The following JPH1 variants were observed in gnomAD, a reference collection of about 807,000 sequenced individuals.
JPH1 encodes the protein junctophilin-1.
A neutral mutation model predicts 53.6 loss-of-function variants in JPH1; 12 were observed. The observed-to-expected ratio is 0.22, with a 90% CI of 0.14 to 0.36. The LOEUF (loss-of-function observed/expected upper bound fraction) is 0.36. Ranked by LOEUF, JPH1 falls within the 10% of genes least tolerant of loss-of-function variation. JPH1 has a pLI of 1.00. For synonymous variants in JPH1, 375 were observed against 363.8 expected (o/e 1.03, Z -0.35); for missense variants, 808 against 905.5 (o/e 0.89, Z 1.38).
At chr8:74,300,601 G>A (rs1463298621) in intron 2 of JPH1, among the ~76,000 whole-genome samples, 4 of 152,142 alleles carry the variant, frequency 2.6e-5, no homozygotes, top group Admixed American at 6.5e-5. Flanking sequence ...ATCTTGTTCC[G>A]AAGTATACAG....
At chr8:74,258,902 T>C (rs1301070021) in intron 3 of JPH1, among the ~76,000 whole-genome samples, 1 of 152,214 alleles carries the variant, frequency 6.6e-6, no homozygotes, top group African/African-American at 2.4e-5. Context: ...TATTTGTTAC[T>C]ACAAGTTGAA....
At position 74,290,603 on chromosome 8, in the gene JPH1, C is replaced by T. The variant is rs185965386; in HGVS notation, c.1139+24258G>A. On this transcript the variant is annotated intron_variant, in intron 2 of 5. Coordinates refer to ENST00000342232, the MANE Select transcript of JPH1 (RefSeq NM_020647.4). Reference sequence around the variant, plus strand: ...GCCATCCCCATCAAGCTACCAATGACTTTCTTCACAGAATTGGAAAAAACT... The same window carrying T: ...GCCATCCCCATCAAGCTACCAATGATTTTCTTCACAGAATTGGAAAAAACT... Among the ~76,000 whole-genome samples the T allele has an allele frequency of 3.6e-3, 553 of 152,320 alleles. 4 individuals carry two copies. The highest frequency in any genetic ancestry group is 5.5e-3 in the Non-Finnish European group (375 of 68,030).
chr8:74,266,614 G>C (rs1586745637), intron 2 of JPH1, among the ~76,000 whole-genome samples: 1 of 152,252 alleles, frequency 6.6e-6, no homozygotes, highest in East Asian at 1.9e-4. Context: ...CTGAAGATTG[G>C]TTGCACAGCA....
chr8:74,275,702 T>C (rs13264454), intron 2 of JPH1, among the ~76,000 whole-genome samples: 3 of 152,224 alleles, frequency 2.0e-5, no homozygotes, highest in Non-Finnish European at 4.4e-5. Context: ...AAGCCCACTG[T>C]GGCTACATCA....
chr8:74,298,412 C>T (rs1807581856), intron 2 of JPH1, among the ~76,000 whole-genome samples: 1 of 152,144 alleles, frequency 6.6e-6, no homozygotes, highest in Non-Finnish European at 1.5e-5. Context: ...TTTATGATCT[C>T]ATCCCCAACT....
chr8:74,283,379 T>C (rs1807069070), intron 2 of JPH1, among the ~76,000 whole-genome samples: 2 of 152,078 alleles, frequency 1.3e-5, no homozygotes, highest in South Asian at 2.1e-4. Flanking sequence ...CAATGACATA[T>C]AATAAACATA....
At chr8:74,281,634 C>G (rs1238708953) in intron 2 of JPH1, among the ~76,000 whole-genome samples, 1 of 152,186 alleles carries the variant, frequency 6.6e-6, no homozygotes, top group South Asian at 2.1e-4. Flanking sequence ...AATCCAAACT[C>G]CAAGCCTGGG....
intron 2 of JPH1, among the ~76,000 whole-genome samples, chr8:74,276,323 G>A (rs1201923893): frequency 6.6e-6 from 1 of 152,170 alleles, no homozygotes; most frequent in Admixed American, 6.5e-5. Context: ...TTGATCTGAG[G>A]CTGTGAAGGC....
intron 2 of JPH1, among the ~76,000 whole-genome samples, chr8:74,297,344 A>C (rs1807550369): frequency 6.6e-6 from 1 of 152,208 alleles, no homozygotes; most frequent in Non-Finnish European, 1.5e-5. Flanking sequence ...ATTACAAACC[A>C]GAGAGGGACG....
At chr8:74,250,276 G>A (rs1563395553) in intron 3 of JPH1, among the ~76,000 whole-genome samples, 2 of 152,112 alleles carry the variant, frequency 1.3e-5, no homozygotes. Context: ...GGGATTACAG[G>A]CATGTACTAC....
chr8:74,270,404 G>A (rs1313771767), intron 2 of JPH1, among the ~76,000 whole-genome samples: 2 of 152,024 alleles, frequency 1.3e-5, no homozygotes, highest in Non-Finnish European at 2.9e-5. Flanking sequence ...CCTATTTTTA[G>A]CATTTGCTGT....
At chr8:74,300,576 A>G in intron 2 of JPH1, among the ~76,000 whole-genome samples, 1 of 152,226 alleles carries the variant, frequency 6.6e-6, no homozygotes, top group Admixed American at 6.5e-5. Context: ...TTTTGGTTAG[A>G]GGGTCCTAAC....
intron 2 of JPH1, among the ~76,000 whole-genome samples, chr8:74,259,903 A>G (rs1169527939): frequency 1.3e-5 from 2 of 152,380 alleles, no homozygotes; most frequent in South Asian, 2.1e-4. Context: ...GGTACAATCA[A>G]TGTAAGAATT....
chr8:74,293,345 GCA>G (rs1174428118), intron 2 of JPH1, among the ~76,000 whole-genome samples: 18 of 152,252 alleles, frequency 1.2e-4, no homozygotes, highest in East Asian at 5.8e-4. Flanking sequence ...AGCTCCACCT[GCA>G]CAGAGTTTAC....
chr8:74,281,695 T>C (rs1246659414), intron 2 of JPH1, among the ~76,000 whole-genome samples: 1 of 152,196 alleles, frequency 6.6e-6, no homozygotes, highest in Non-Finnish European at 1.5e-5. Flanking sequence ...GTGTGGTTAG[T>C]GGGAGCTACC....
chr8:74,297,530 G>A (rs563224258), intron 2 of JPH1, among the ~76,000 whole-genome samples: 11 of 152,234 alleles, frequency 7.2e-5, no homozygotes, highest in South Asian at 4.1e-4. Context: ...TTGCCCTACC[G>A]ACTCCATGCA....
At chr8:74,295,621 C>T (rs1807483265) in intron 2 of JPH1, among the ~76,000 whole-genome samples, 2 of 152,144 alleles carry the variant, frequency 1.3e-5, no homozygotes, top group Non-Finnish European at 2.9e-5. Context: ...TAACAGATCT[C>T]ATAGACAACA....
Position 74,259,557 on chromosome 8 carries a change from C to T in JPH1, c.1140-54G>A, listed in dbSNP as rs1021996369. On this transcript the variant is annotated intron_variant, in intron 2 of 5. Coordinates refer to ENST00000342232, the MANE Select transcript of JPH1 (RefSeq NM_020647.4). Reference sequence around the variant, plus strand: ...CATAGGTGACCCCTTGTTACTTACACAGGGACAAGCAAATTGTAATCTGGG... The same window carrying T: ...CATAGGTGACCCCTTGTTACTTACATAGGGACAAGCAAATTGTAATCTGGG... 8 of 1,200,322 alleles carry T rather than the reference C, an allele frequency of 6.7e-6. No individual in the cohort carries two copies. In the Admixed American group the frequency reaches 1.9e-4, roughly 29 times the overall value. The allele number at this position is 1,200,322 out of a possible 1,614,324, so 74.4% of individuals were successfully genotyped here.
intron 3 of JPH1, among the ~76,000 whole-genome samples, chr8:74,258,398 TAGAA>T (rs1213514643): frequency 6.6e-6 from 1 of 152,134 alleles, no homozygotes; most frequent in Non-Finnish European, 1.5e-5. Context: ...TAGAGAGGGG[TAGAA>T]AGAGTCTACT....
Sources: allele counts gnomAD v4.1 joint callset (sites outside exome capture counted in the v4.1 genomes callset), GRCh38; gene constraint gnomAD v4.1.1; transcripts MANE v1.5; gene names NCBI Gene and HGNC (gene_info 2026-07-23, HGNC 2026-07-21).